The following TMEM117 variants were observed in gnomAD, a reference collection of about 807,000 sequenced individuals.
TMEM117 encodes the protein transmembrane protein 117.
Under a neutral mutation model 52.4 loss-of-function variants are expected in TMEM117, and 27 were observed. The ratio of observed to expected loss-of-function variants is 0.51; its 90% CI spans 0.38 to 0.71. The LOEUF is 0.71. Among genes scored for constraint, TMEM117 ranks in the 30% least tolerant of loss-of-function variants. The pLI is 0.00. For missense variants in TMEM117, 556 were observed against 630.5 expected, an observed-to-expected ratio of 0.88 and a Z score of 1.26; for synonymous variants, 215 against 206.3, an observed-to-expected ratio of 1.04 and a Z score of -0.36.
chr12:44,000,573 T>C (rs151211334), intron 3 of TMEM117, among the ~76,000 whole-genome samples: 48 of 152,228 alleles, frequency 3.2e-4, no homozygotes, highest in Non-Finnish European at 5.1e-4. Context: ...CAGAGGACTT[T>C]GGACAGGCCT....
In TMEM117 at chr12:44,048,023, T is replaced by A. The variant is rs141234746; in HGVS notation, c.411-95502T>A. Among the ~76,000 whole-genome samples, 404 of 152,254 alleles carry A rather than the reference T, an allele frequency of 2.7e-3. 2 individuals carry two copies. Among genetic ancestry groups the A allele is most frequent in the African/African-American group, 9.3e-3 (386 of 41,570 alleles). ...TGGGCCTGAAATATTTTGGGAAAAA[T>A]TTTTAAATCACAGATTTACTTTATA... On this transcript the variant is annotated intron_variant, in intron 3 of 7. Coordinates refer to ENST00000266534, the MANE Select transcript of TMEM117 (RefSeq NM_032256.3).
intron 3 of TMEM117, among the ~76,000 whole-genome samples, chr12:44,039,826 T>C (rs1373726872): frequency 6.6e-6 from 1 of 152,232 alleles, no homozygotes; most frequent in Non-Finnish European, 1.5e-5. Context: ...CTTAACCTTA[T>C]ATTACATGTT....
intron 3 of TMEM117, among the ~76,000 whole-genome samples, chr12:43,955,998 A>G (rs1224590185): frequency 6.6e-6 from 1 of 152,162 alleles, no homozygotes; most frequent in Non-Finnish European, 1.5e-5. Flanking sequence ...CACATCTACA[A>G]CCATCTGATC....
chr12:43,842,494 A>G (rs557092117), intron 1 of TMEM117, among the ~76,000 whole-genome samples: 1 of 152,214 alleles, frequency 6.6e-6, no homozygotes, highest in South Asian at 2.1e-4. Context: ...TTTGTAAAAT[A>G]GTCATGACAA....
intron 4 of TMEM117, among the ~76,000 whole-genome samples, chr12:44,147,805 GC>G (rs1367626525): frequency 6.6e-6 from 1 of 151,992 alleles, no homozygotes; most frequent in Non-Finnish European, 1.5e-5. Context: ...AGTGGCACAT[GC>G]CTGCAATCCC....
intron 3 of TMEM117, among the ~76,000 whole-genome samples, chr12:44,127,291 G>A (rs1255080348): frequency 6.6e-6 from 1 of 152,030 alleles, no homozygotes; most frequent in Non-Finnish European, 1.5e-5. Flanking sequence ...GTATCAATTT[G>A]GCTAGGCTGT....
intron 6 of TMEM117, among the ~76,000 whole-genome samples, chr12:44,319,593 G>T (rs565265905): frequency 6.6e-6 from 1 of 152,264 alleles, no homozygotes; most frequent in Admixed American, 6.5e-5. Context: ...GTATGATTTT[G>T]CTGTTTCCAA....
intron 2 of TMEM117, among the ~76,000 whole-genome samples, chr12:43,915,084 T>C (rs1388335665): frequency 6.6e-6 from 1 of 152,150 alleles, no homozygotes; most frequent in Non-Finnish European, 1.5e-5. Context: ...GTTACTGCGA[T>C]TTCTTCTTTG....
chr12:43,871,631 T>A (rs1943706471), intron 2 of TMEM117, among the ~76,000 whole-genome samples: 2 of 152,214 alleles, frequency 1.3e-5, no homozygotes, highest in African/African-American at 4.8e-5. Flanking sequence ...AGTATTTAAT[T>A]ACAACTAGGT....
chr12:44,024,040 T>C (rs1013239831), intron 3 of TMEM117, among the ~76,000 whole-genome samples: 2 of 152,168 alleles, frequency 1.3e-5, no homozygotes, highest in Non-Finnish European at 2.9e-5. Context: ...CATCTGCTCG[T>C]TCCACATGAA....
intron 6 of TMEM117, among the ~76,000 whole-genome samples, chr12:44,300,585 C>A (rs963841050): frequency 1.3e-5 from 2 of 151,942 alleles, no homozygotes; most frequent in East Asian, 1.9e-4. Flanking sequence ...CAAAAAGAGG[C>A]CTTTATGAGA....
intron 6 of TMEM117, among the ~76,000 whole-genome samples, chr12:44,335,009 C>T (rs1951322549): frequency 3.3e-5 from 5 of 151,916 alleles, no homozygotes; most frequent in Admixed American, 2.6e-4. Flanking sequence ...TTCATAGCCT[C>T]CAGAAATTGT....
chr12:44,240,094 T>G (rs1432603938), intron 5 of TMEM117, among the ~76,000 whole-genome samples: 1 of 152,118 alleles, frequency 6.6e-6, no homozygotes, highest in African/African-American at 2.4e-5. Context: ...AGCATTCCAT[T>G]TAACTGAGAG....
intron 5 of TMEM117, among the ~76,000 whole-genome samples, chr12:44,276,431 A>G (rs2138581839): frequency 6.6e-6 from 1 of 152,280 alleles, no homozygotes; most frequent in Admixed American, 6.5e-5. Flanking sequence ...TTATAAGTGA[A>G]ATCTAAAAAC....
At chr12:44,271,233 G>A (rs1950442173) in intron 5 of TMEM117, among the ~76,000 whole-genome samples, 1 of 152,012 alleles carries the variant, frequency 6.6e-6, no homozygotes, top group Non-Finnish European at 1.5e-5. Flanking sequence ...GAGTATATGG[G>A]TATAGTAATA....
chr12:44,209,857 C>T lies in TMEM117; in HGVS notation c.511-1433C>T, dbSNP rs17094238. On this transcript the variant is annotated intron_variant, in intron 4 of 7. Transcript: ENST00000266534. ...GTGAGCATGTGAAGCATTGACATGC[C>T]GGTGAATGTTTCCAGAGACCATTTT... 5.2e-3 allele frequency among the ~76,000 whole-genome samples: 795 copies of T among 152,076 alleles called. 18 individuals carry two copies. Among genetic ancestry groups the T allele is most frequent in the East Asian group, 0.035 (181 of 5,164 alleles).
intron 3 of TMEM117, among the ~76,000 whole-genome samples, chr12:44,135,179 A>G (rs565483253): frequency 6.6e-6 from 1 of 152,276 alleles, no homozygotes; most frequent in East Asian, 1.9e-4. Flanking sequence ...TATTGGTTCT[A>G]AATTACCAGA....
intron 2 of TMEM117, among the ~76,000 whole-genome samples, chr12:43,922,890 T>C (rs890889254): frequency 1.3e-5 from 2 of 152,186 alleles, no homozygotes; most frequent in African/African-American, 4.8e-5. Context: ...AAATAAAGCC[T>C]GTGGTTACCA....
chr12:43,907,674 A>G (rs1301024781), intron 2 of TMEM117, among the ~76,000 whole-genome samples: 1 of 151,686 alleles, frequency 6.6e-6, no homozygotes, highest in Non-Finnish European at 1.5e-5. Context: ...GCTGAAAACC[A>G]AGGCTCGAGA....
Sources: allele counts gnomAD v4.1 joint callset (sites outside exome capture counted in the v4.1 genomes callset), GRCh38; gene constraint gnomAD v4.1.1; transcripts MANE v1.5; gene names NCBI Gene and HGNC (gene_info 2026-07-23, HGNC 2026-07-21).